Variants in IL1RAP observed in about 807,000 individuals in gnomAD.
IL1RAP encodes interleukin-1 receptor accessory protein.
Under a neutral mutation model 60.7 loss-of-function variants are expected in IL1RAP, and 35 were observed. The ratio of observed to expected loss-of-function variants is 0.58; its 90% CI spans 0.44 to 0.76. IL1RAP has a LOEUF of 0.76. Among genes scored for constraint, IL1RAP ranks in the 30% least tolerant of loss-of-function variants. The pLI is 0.00. For missense variants in IL1RAP, 572 were observed against 693.9 expected (o/e 0.82, Z 1.97); for synonymous variants, 268 against 250.9 (o/e 1.07, Z -0.64).
chr3:190,550,877 C>T (rs1007947623), intron 1 of IL1RAP, among the ~76,000 whole-genome samples: 1 of 152,182 alleles, frequency 6.6e-6, no homozygotes, highest in African/African-American at 2.4e-5. Flanking sequence ...AAAGAAAAAT[C>T]GTGGTAGGAC....
chr3:190,584,102 C>T (rs1728241707), intron 3 of IL1RAP, among the ~76,000 whole-genome samples: 1 of 152,214 alleles, frequency 6.6e-6, no homozygotes. Context: ...TCCTATAATT[C>T]TGCCTTTTCC....
chr3:190,616,930 G>A (rs75273760), intron 5 of IL1RAP, among the ~76,000 whole-genome samples: 1,618 of 152,228 alleles, frequency 0.011, 21 homozygotes, highest in African/African-American at 0.035. Flanking sequence ...TTTTCCAAAG[G>A]AGGAACTCTG....
chr3:190,594,762 G>T (rs1256228367), intron 3 of IL1RAP, among the ~76,000 whole-genome samples: 1 of 152,218 alleles, frequency 6.6e-6, no homozygotes, highest in Non-Finnish European at 1.5e-5. Flanking sequence ...GACACAAGAA[G>T]TGGTTTGCCA....
At chr3:190,636,720 C>G (rs935228780) in intron 9 of IL1RAP, among the ~76,000 whole-genome samples, 4 of 151,978 alleles carry the variant, frequency 2.6e-5, no homozygotes, top group African/African-American at 9.7e-5. Context: ...ATGTATGTAT[C>G]TTATTTACAG....
At chr3:190,526,354 C>T (rs1336966252) in intron 1 of IL1RAP, among the ~76,000 whole-genome samples, 1 of 152,166 alleles carries the variant, frequency 6.6e-6, no homozygotes, top group African/African-American at 2.4e-5. Flanking sequence ...CTATTCTGCT[C>T]TTTGATTGTA....
chr3:190,615,817 C>G (rs778248981), intron 5 of IL1RAP, among the ~76,000 whole-genome samples: 15 of 152,088 alleles, frequency 9.9e-5, no homozygotes, highest in Non-Finnish European at 2.2e-4. Context: ...TTTCTGAAAA[C>G]GTGCCTGGCT....
chr3:190,657,666 A>G (rs1174241209), exon 12 of IL1RAP: 1 of 152,192 alleles, frequency 6.6e-6, no homozygotes, highest in African/African-American at 2.4e-5. Flanking sequence ...CTCTGTAAAC[A>G]TTTTCATAAA....
At chr3:190,631,188 A>G (rs529573047) in intron 9 of IL1RAP, among the ~76,000 whole-genome samples, 2 of 152,306 alleles carry the variant, frequency 1.3e-5, no homozygotes, top group Non-Finnish European at 2.9e-5. Context: ...TTTCTTAAGT[A>G]TGGAGCTTTT....
chr3:190,613,743 G>A lies in IL1RAP; in HGVS notation c.537+4562G>A, dbSNP rs192840996. On this transcript the variant is annotated intron_variant, in intron 5 of 11. Transcript: ENST00000447382. ...AGCTACTCCGGAGGCTGAGGCAGGA[G>A]AATAGCTTGAACCTACAAGGTGGAG... Among the ~76,000 whole-genome samples the A allele has an allele frequency of 1.8e-3, 270 of 152,058 alleles. 1 individual carries two copies. The highest frequency in any genetic ancestry group is 2.9e-3 in the Non-Finnish European group (198 of 67,990).
intron 3 of IL1RAP, among the ~76,000 whole-genome samples, chr3:190,572,859 G>GTTGTTTTT (rs1727055427): frequency 5.1e-5 from 2 of 39,054 alleles, no homozygotes; most frequent in Non-Finnish European, 8.7e-5. Context: ...TTAATGCTTT[G>GTTGTTTTT]TTTTTTTTTT....
At chr3:190,535,847 T>C (rs1487433701) in intron 1 of IL1RAP, among the ~76,000 whole-genome samples, 2 of 152,210 alleles carry the variant, frequency 1.3e-5, no homozygotes, top group East Asian at 3.8e-4. Context: ...TTTGGCCCAG[T>C]CTTCCTCAGG....
chr3:190,514,792 C>G (rs565371601), intron 1 of IL1RAP, among the ~76,000 whole-genome samples: 1 of 152,274 alleles, frequency 6.6e-6, no homozygotes, highest in Non-Finnish European at 1.5e-5. Flanking sequence ...GAGCGAGGCC[C>G]GGGCGCCAGT....
At chr3:190,607,228 T>C (rs1730409878) in intron 4 of IL1RAP, among the ~76,000 whole-genome samples, 1 of 152,178 alleles carries the variant, frequency 6.6e-6, no homozygotes, top group Admixed American at 6.5e-5. Flanking sequence ...GCCTCCCAAA[T>C]GTTATTTAGA....
intron 3 of IL1RAP, among the ~76,000 whole-genome samples, chr3:190,583,091 A>G (rs1728144960): frequency 6.6e-6 from 1 of 152,228 alleles, no homozygotes; most frequent in Admixed American, 6.5e-5. Flanking sequence ...CCCTGTTAAT[A>G]TATCCACTTT....
In IL1RAP at chr3:190,629,437, T is replaced by C. The variant is rs756444808; in HGVS notation, c.990T>C (p.Tyr330=). ...KVTSEDLKRS[Y]VCHARSAKGE... The stretch of plus-strand genomic sequence containing the variant: ...CCTCTGAGGATCTCAAGCGCAGCTA[T>C]GTCTGTCATGCTAGAAGTGCCAAAG... Residue 330 remains tyrosine, a synonymous_variant, in exon 9 of 12, where the codon TAT becomes TAC. Coordinates refer to ENST00000447382, the MANE Select transcript of IL1RAP (RefSeq NM_002182.4). 16 of 1,613,738 alleles carry C rather than the reference T, an allele frequency of 9.9e-6. No homozygotes were observed. Among genetic ancestry groups the C allele is most frequent in the Middle Eastern group, 1.6e-4 (1 of 6,078 alleles).
intron 2 of IL1RAP, among the ~76,000 whole-genome samples, chr3:190,561,983 C>G (rs1725926302): frequency 1.3e-5 from 2 of 152,136 alleles, no homozygotes; most frequent in Admixed American, 1.3e-4. Context: ...TGGTGACTCC[C>G]TATTTGCTCT....
At chr3:190,636,670 A>G (rs1733250297) in intron 9 of IL1RAP, among the ~76,000 whole-genome samples, 2 of 152,096 alleles carry the variant, frequency 1.3e-5, no homozygotes, top group South Asian at 4.1e-4. Flanking sequence ...TATTTTACCT[A>G]TCAGCATCTT....
chr3:190,631,169 G>A (rs559701713), intron 9 of IL1RAP, among the ~76,000 whole-genome samples: 1 of 152,278 alleles, frequency 6.6e-6, no homozygotes, highest in South Asian at 2.1e-4. Flanking sequence ...ATATGTATTT[G>A]ACTCCAGATT....
intron 3 of IL1RAP, 36 bp downstream of exon 3, chr3:190,564,389 A>G (rs910156282): frequency 3.7e-6 from 5 of 1,359,084 alleles, no homozygotes; most frequent in Non-Finnish European, 5.3e-6. Context: ...ATTAAAATGC[A>G]AGTCATGCGT....
Sources: allele counts gnomAD v4.1 joint callset (sites outside exome capture counted in the v4.1 genomes callset), GRCh38; gene constraint gnomAD v4.1.1; transcripts MANE v1.5; gene names NCBI Gene and HGNC (gene_info 2026-07-23, HGNC 2026-07-21).